PANK3: variants seen among roughly 807,000 people sequenced by gnomAD.
The protein encoded by PANK3 is hPanK3.
Under a neutral mutation model 39.4 loss-of-function variants are expected in PANK3, and 20 were observed. The ratio of observed to expected loss-of-function variants is 0.51; its 90% CI spans 0.36 to 0.74. The LOEUF is 0.74. Ranked by LOEUF, PANK3 falls within the 30% of genes least tolerant of loss-of-function variation. The probability of loss-of-function intolerance (pLI) is 0.00; values close to 1 mark genes in which losing one functional copy is unlikely to be tolerated. For synonymous variants in PANK3, 140 were observed against 157.3 expected, an observed-to-expected ratio of 0.89 and a Z score of 0.82; for missense variants, 265 against 437.0, an observed-to-expected ratio of 0.61 and a Z score of 3.51.
chr5:168,569,872 C>G (rs1010661810), intron 1 of PANK3, among the ~76,000 whole-genome samples: 1 of 151,964 alleles, frequency 6.6e-6, no homozygotes, highest in African/African-American at 2.4e-5. Context: ...GGCAATATAA[C>G]AAGATCCTGT....
chr5:168,579,239 C>T lies in PANK3; in HGVS notation c.28+17G>A. On this transcript the variant is annotated intron_variant, in intron 1 of 6. Coordinates refer to ENST00000239231, the MANE Select transcript of PANK3 (RefSeq NM_024594.4). The stretch of plus-strand genomic sequence containing the variant: ...AGGGTGCCCTCCCAACCTGGCGGGC[C>T]CCAGCCCCCGTCTTACAGGGTTTCT... 2 of 1,488,622 alleles carry T rather than the reference C, an allele frequency of 1.3e-6. No individual in the cohort carries two copies. Among genetic ancestry groups the T allele is most frequent in the Non-Finnish European group, 1.8e-6 (2 of 1,116,912 alleles). 92.2% of individuals were successfully genotyped at this position (1,488,622 alleles called of 1,614,324 possible).
At chr5:168,569,824 G>T (rs775672802) in intron 1 of PANK3, among the ~76,000 whole-genome samples, 2 of 152,130 alleles carry the variant, frequency 1.3e-5, no homozygotes, top group African/African-American at 2.4e-5. Context: ...GCTGAGGTAG[G>T]GGGGATCGCT....
Position 168,579,334 on chromosome 5 carries a change from C to G in PANK3, c.-51G>C. The G allele has an allele frequency of 2.1e-6, 3 of 1,410,726 alleles. No individual in the cohort carries two copies. The highest frequency in any genetic ancestry group is 2.8e-6 in the Non-Finnish European group (3 of 1,074,056). The allele number at this position is 1,410,726 out of a possible 1,614,324, so 87.4% of individuals were successfully genotyped here. On this transcript the variant is annotated 5_prime_UTR_variant, in exon 1 of 7. Coordinates refer to ENST00000239231, the MANE Select transcript of PANK3 (RefSeq NM_024594.4). ...GGCCTCCGATCCGGGGCACTGAGAGCAGAGGCGGCGACTCCGGAGGTGGCT... is the reference window on the plus strand; with the variant it reads ...GGCCTCCGATCCGGGGCACTGAGAGGAGAGGCGGCGACTCCGGAGGTGGCT...
At chr5:168,558,388 T>C (rs1759387055) in intron 6 of PANK3, among the ~76,000 whole-genome samples, 1 of 151,836 alleles carries the variant, frequency 6.6e-6, no homozygotes, top group African/African-American at 2.4e-5. Context: ...ATGGTCTTGA[T>C]CTCCTGACCT....
chr5:168,567,263 T>G (rs929976323), intron 2 of PANK3, among the ~76,000 whole-genome samples: 1 of 152,214 alleles, frequency 6.6e-6, no homozygotes, highest in African/African-American at 2.4e-5. Flanking sequence ...GATCAATCTA[T>G]GCATAGGTGC....
At chr5:168,566,502 C>T (rs1759537281) in intron 2 of PANK3, among the ~76,000 whole-genome samples, 1 of 152,124 alleles carries the variant, frequency 6.6e-6, no homozygotes, top group African/African-American at 2.4e-5. Context: ...ACCAAACTGA[C>T]ATTTAGTGGG....
intron 1 of PANK3, among the ~76,000 whole-genome samples, chr5:168,575,540 TG>T (rs1381929005): frequency 6.6e-6 from 1 of 152,192 alleles, no homozygotes; most frequent in Non-Finnish European, 1.5e-5. Context: ...GGCTCATGCC[TG>T]TAATCCCAGC....
chr5:168,574,150 C>G, intron 1 of PANK3, among the ~76,000 whole-genome samples: 1 of 150,298 alleles, frequency 6.7e-6, no homozygotes, highest in Non-Finnish European at 1.5e-5. Flanking sequence ...TAAAAGTGTT[C>G]CTATTTCTCC....
At chr5:168,560,635 A>G (rs1315093890) in intron 5 of PANK3, among the ~76,000 whole-genome samples, 1 of 152,224 alleles carries the variant, frequency 6.6e-6, no homozygotes, top group Non-Finnish European at 1.5e-5. Flanking sequence ...ATCAGTAAAT[A>G]TTTACTCAAT....
chr5:168,571,638 C>T (rs1759632014), intron 1 of PANK3, among the ~76,000 whole-genome samples: 1 of 152,164 alleles, frequency 6.6e-6, no homozygotes, highest in Non-Finnish European at 1.5e-5. Context: ...AAAATTATTT[C>T]TAAAATTCTA....
chr5:168,565,987 A>G, intron 3 of PANK3, 26 bp downstream of exon 3: 2 of 1,591,824 alleles, frequency 1.3e-6, no homozygotes, highest in Non-Finnish European at 8.6e-7. Context: ...ATGTGAATGC[A>G]GCAATACAAC....
chr5:168,558,979 G>A, intron 6 of PANK3, 53 bp downstream of exon 6: 1 of 1,559,846 alleles, frequency 6.4e-7, no homozygotes, highest in Non-Finnish European at 8.7e-7. Flanking sequence ...GCAAGACCCT[G>A]TCTCTTAAAA....
chr5:168,558,443 C>T (rs1759387915), intron 6 of PANK3, among the ~76,000 whole-genome samples: 1 of 152,092 alleles, frequency 6.6e-6, no homozygotes, highest in Non-Finnish European at 1.5e-5. Context: ...GGATTACAGG[C>T]ATGAGCCACC....
chr5:168,565,327 A>G (rs992942219), intron 3 of PANK3, among the ~76,000 whole-genome samples: 1 of 152,176 alleles, frequency 6.6e-6, no homozygotes, highest in Non-Finnish European at 1.5e-5. Flanking sequence ...TCTCATTCGT[A>G]TTTCAGGTAT....
Position 168,549,629 on chromosome 5 carries a change from A to G in PANK3, c.*7942T>C, listed in dbSNP as rs1172754680. 2.6e-5 allele frequency: 4 copies of G among 152,214 alleles called. No individual in the cohort carries two copies. Among genetic ancestry groups the G allele is most frequent in the African/African-American group, 9.6e-5 (4 of 41,460 alleles). 9.4% of individuals were successfully genotyped at this position (152,214 alleles called of 1,614,324 possible). A position where few individuals can be genotyped will look rare whatever the true frequency, so the allele number is the denominator to read the frequency against. On this transcript the variant is annotated 3_prime_UTR_variant, in exon 7 of 7. Transcript: ENST00000239231. ...CCTCTTTTGTTCTTTTAAATGCAAA[A>G]TTAGTGGCAGTTGCAGCAAAAACGC...
At chr5:168,559,226 A>G (rs1473825411) in intron 5 of PANK3, 69 bp from the exon 6 acceptor site, 1 of 1,057,234 alleles carries the variant, frequency 9.5e-7, no homozygotes, top group African/African-American at 1.6e-5. Context: ...GTTTCTAAAT[A>G]TTTATTTAAA....
Position 168,552,341 on chromosome 5 carries a change from G to T in PANK3, c.*5230C>A, listed in dbSNP as rs538681933. The T allele has an allele frequency of 6.6e-6, 1 of 152,194 alleles. No homozygotes were observed. The highest frequency in any genetic ancestry group is 1.5e-5 in the Non-Finnish European group (1 of 68,056). 9.4% of individuals were successfully genotyped at this position (152,194 alleles called of 1,614,324 possible). On this transcript the variant is annotated 3_prime_UTR_variant, in exon 7 of 7. Transcript: ENST00000239231. ...TTTGGGTTGTTGGGAACTATGCCCA[G>T]TTGACTCATACTCTCTCAAATGTGG...
chr5:168,573,638 G>A lies in PANK3; in HGVS notation c.29-4640C>T, dbSNP rs1454772383. ...TGCACCAACTCGTCATCTAGCATTA[G>A]GTATATCTCCCAATGCTATCCCTCC... On this transcript the variant is annotated intron_variant, in intron 1 of 6. Transcript: ENST00000239231. Among the ~76,000 whole-genome samples, 9 of 150,860 alleles carry A rather than the reference G, an allele frequency of 6.0e-5. 1 individual carries two copies. In the South Asian group the frequency reaches 1.9e-3, roughly 32 times the overall value.
At chr5:168,569,593 A>G (rs1759594196) in intron 1 of PANK3, among the ~76,000 whole-genome samples, 1 of 152,082 alleles carries the variant, frequency 6.6e-6, no homozygotes, top group African/African-American at 2.4e-5. Context: ...CTTTTCATTT[A>G]CTAAATACCA....
Sources: allele counts gnomAD v4.1 joint callset (sites outside exome capture counted in the v4.1 genomes callset), GRCh38; gene constraint gnomAD v4.1.1; transcripts MANE v1.5; gene names NCBI Gene and HGNC (gene_info 2026-07-23, HGNC 2026-07-21).